Variants in ERMARD observed in about 807,000 individuals in gnomAD.
ERMARD encodes endoplasmic reticulum membrane-associated RNA degradation protein.
ERMARD carries 71 observed loss-of-function variants against 83.9 expected under a neutral mutation model. That is an observed-to-expected ratio of 0.85 (90% CI 0.70 to 1.03). ERMARD has a LOEUF of 1.03. Ranked by LOEUF, ERMARD falls within the 50% of genes least tolerant of loss-of-function variation. The pLI is 0.00. For synonymous variants in ERMARD, 284 were observed against 298.6 expected (o/e 0.95, Z 0.50); for missense variants, 838 against 810.9 (o/e 1.03, Z -0.41).
intron 8 of ERMARD, 82 bp from the exon 9 acceptor site, chr6:169,762,347 T>C: frequency 3.1e-6 from 4 of 1,300,030 alleles, no homozygotes; most frequent in Non-Finnish European, 4.4e-6. Context: ...AATGCTGGGA[T>C]TACAGGCATG....
chr6:169,751,552 G>A (rs1585327561), upstream of ERMARD: 6 of 1,610,604 alleles, frequency 3.7e-6, no homozygotes, highest in Middle Eastern at 1.7e-4. Flanking sequence ...TCTCCCACCT[G>A]CGCCTCGTAC....
At chr6:169,779,153 C>T (rs767151477) in intron 16 of ERMARD, 29 bp from the exon 17 acceptor site, 3 of 1,570,588 alleles carry the variant, frequency 1.9e-6, no homozygotes, top group Non-Finnish European at 2.6e-6. Context: ...CATATCCTCA[C>T]ATTTTAATTT....
chr6:169,773,457 C>G, intron 13 of ERMARD, 55 bp downstream of exon 13: 1 of 1,544,916 alleles, frequency 6.5e-7, no homozygotes, highest in Non-Finnish European at 8.9e-7. Flanking sequence ...AACCACCTGT[C>G]TTCTGCAGAG....
chr6:169,779,945 C>T (rs1401101093), intron 17 of ERMARD, among the ~76,000 whole-genome samples: 5 of 152,214 alleles, frequency 3.3e-5, no homozygotes, highest in Non-Finnish European at 7.3e-5. Flanking sequence ...TCAATCTGGG[C>T]TTGAGTGTAG....
chr6:169,757,763 T>A (rs1790997445), intron 5 of ERMARD, among the ~76,000 whole-genome samples: 1 of 152,214 alleles, frequency 6.6e-6, no homozygotes. Flanking sequence ...TCAGTGGAGC[T>A]TTTCCATTCT....
chr6:169,768,730 C>A (rs1792520865), intron 11 of ERMARD, among the ~76,000 whole-genome samples: 1 of 152,186 alleles, frequency 6.6e-6, no homozygotes, highest in Non-Finnish European at 1.5e-5. Context: ...CCTGCCACTG[C>A]ACTCCAGCCT....
intron 8 of ERMARD, 93 bp downstream of exon 8, chr6:169,760,849 T>A: frequency 1.1e-6 from 1 of 875,688 alleles, no homozygotes; most frequent in Non-Finnish European, 1.8e-6. Flanking sequence ...GCTGTTGGAG[T>A]AGAAGTGAAG....
chr6:169,753,692 C>T (rs970145533), intron 1 of ERMARD, among the ~76,000 whole-genome samples, 172 bp from the exon 2 acceptor site: 5 of 152,080 alleles, frequency 3.3e-5, no homozygotes, highest in African/African-American at 7.2e-5. Flanking sequence ...TGTAAATTAT[C>T]TTTAATATTT....
At chr6:169,757,173 A>G (rs1218264919) in intron 5 of ERMARD, among the ~76,000 whole-genome samples, 1 of 152,162 alleles carries the variant, frequency 6.6e-6, no homozygotes, top group African/African-American at 2.4e-5. Context: ...TTGGGTGGGG[A>G]CACAGCCAAA....
Position 169,773,346 on chromosome 6 carries a change from A to T in ERMARD, c.1261A>T (p.Ser421Cys). 6.2e-7 allele frequency: 1 copy of T among 1,614,144 alleles called. No homozygotes were observed. Among genetic ancestry groups the T allele is most frequent in the Non-Finnish European group, 8.5e-7 (1 of 1,179,986 alleles). The change falls in exon 13 of 18, where the codon AGT becomes TGT. Residue 421 changes from serine to cysteine, a missense_variant. Ser to Cys is a moderately radical substitution (Grantham distance 112). Transcript: ENST00000366773. ...AAAATCAGCCGTAGAATTGTTGATT[A>T]GTCTTGCAGAAGGCTATAGTTCTCG... ...KEKSAVELLISLAEGYSSRCH... is the reference protein window; with the variant it reads ...KEKSAVELLICLAEGYSSRCH...
intron 9 of ERMARD, among the ~76,000 whole-genome samples, chr6:169,764,801 A>T (rs759699803): frequency 1.6e-4 from 24 of 152,044 alleles, no homozygotes; most frequent in African/African-American, 5.6e-4. Context: ...CTTTCCTCTT[A>T]CTTTGTTCCT....
intron 11 of ERMARD, among the ~76,000 whole-genome samples, chr6:169,768,684 T>G (rs1269316215): frequency 6.6e-6 from 1 of 152,138 alleles, no homozygotes; most frequent in Non-Finnish European, 1.5e-5. Flanking sequence ...GAAAATGGCT[T>G]GAACCCAGGA....
chr6:169,754,920 A>G (rs953976791), intron 2 of ERMARD, among the ~76,000 whole-genome samples: 14 of 152,234 alleles, frequency 9.2e-5, no homozygotes, highest in African/African-American at 3.1e-4. Flanking sequence ...AAAATTGTAT[A>G]TACAGTGTGA....
chr6:169,776,066 G>T lies in ERMARD; in HGVS notation c.1520+1G>T, dbSNP rs773959819. On this transcript the variant is annotated splice_donor_variant, in intron 15 of 17. Coordinates refer to ENST00000366773, the MANE Select transcript of ERMARD (RefSeq NM_018341.3). LOFTEE classifies it high-confidence loss of function. ...ACTTGGATCGTCTTCCTACTGAGAC[G>T]TAAGTTCCAGGACATCCTGACAACT... The T allele has an allele frequency of 1.2e-6, 2 of 1,612,972 alleles. No homozygotes were observed. The highest frequency in any genetic ancestry group is 1.1e-5 in the South Asian group (1 of 90,586).
intron 11 of ERMARD, among the ~76,000 whole-genome samples, chr6:169,768,963 A>G (rs1019557329): frequency 2.0e-5 from 3 of 152,170 alleles, no homozygotes; most frequent in Non-Finnish European, 4.4e-5. Flanking sequence ...ATGTTCTGTG[A>G]CTTTAGACTC....
Position 169,779,261 on chromosome 6 carries a change from G to C in ERMARD, c.1819G>C (p.Gly607Arg), listed in dbSNP as rs753052792. ...GTTGGTCAACATTCATGCTGTTTGT[G>C]GGAAGAATGCGCATGAGTATCAGCA... is the stretch of plus-strand genomic sequence containing the variant. ...LELVNIHAVC[G>R]KNAHEYQQYL... is the part of the protein sequence containing the mutation. The change falls in exon 17 of 18, where the codon GGG (glycine) becomes CGG (arginine). Residue 607 changes from glycine (G) to arginine (R), a missense_variant. Gly to Arg is a moderately radical substitution (Grantham distance 125). Transcript: ENST00000366773. The C allele has an allele frequency of 6.2e-7, 1 of 1,614,190 alleles. No individual in the cohort carries two copies. The highest frequency in any genetic ancestry group is 1.1e-5 in the South Asian group (1 of 91,078).
chr6:169,775,350 C>T lies in ERMARD; in HGVS notation c.1394+4C>T, dbSNP rs370765538. The T allele has an allele frequency of 1.5e-5, 24 of 1,614,006 alleles. No homozygotes were observed. In the African/African-American group the frequency reaches 1.7e-4, roughly 12 times the overall value. On this transcript the variant is annotated splice_donor_region_variant and intron_variant, in intron 14 of 17. Transcript: ENST00000366773. ...AACTCACTCGGCAAGCCGTCAGGTGCGTGGCATCCTGGGGCCTGGCTGACC... is the reference window on the plus strand; with the variant it reads ...AACTCACTCGGCAAGCCGTCAGGTGTGTGGCATCCTGGGGCCTGGCTGACC...
intron 9 of ERMARD, among the ~76,000 whole-genome samples, chr6:169,763,629 G>C (rs375511935): frequency 2.0e-5 from 3 of 152,242 alleles, no homozygotes; most frequent in African/African-American, 7.2e-5. Context: ...CTCTAGCTTG[G>C]CTTTTGCTTT....
In ERMARD at chr6:169,776,593, C is replaced by T. The variant is rs1439722132; in HGVS notation, c.1659C>T (p.Ala553=). The stretch of plus-strand genomic sequence containing the variant: ...GTGTGTCCAGCCAGGTCACCGTTGC[C>T]TCAGAGCTGAGACACAGGCAGTGGG... ...CRRVSSQVTV[A]SELRHRQWVE... Residue 553 remains alanine (A), a synonymous_variant, in exon 16 of 18, where the codon GCC becomes GCT. Coordinates refer to ENST00000366773, the MANE Select transcript of ERMARD (RefSeq NM_018341.3). The T allele has an allele frequency of 1.9e-6, 3 of 1,614,138 alleles. No individual in the cohort carries two copies. The highest frequency in any genetic ancestry group is 2.5e-6 in the Non-Finnish European group (3 of 1,180,066).
Sources: allele counts gnomAD v4.1 joint callset (sites outside exome capture counted in the v4.1 genomes callset), GRCh38; gene constraint gnomAD v4.1.1; transcripts MANE v1.5; gene names NCBI Gene and HGNC (gene_info 2026-07-23, HGNC 2026-07-21).